DNER: variants seen among roughly 807,000 people sequenced by gnomAD.
DNER encodes the protein delta/notch like EGF repeat containing.
DNER carries 33 observed loss-of-function variants against 78.2 expected under a neutral mutation model. The ratio of observed to expected loss-of-function variants is 0.42; its 90% CI spans 0.32 to 0.56. DNER has a LOEUF of 0.56. Ranked by LOEUF, DNER falls within the 20% of genes least tolerant of loss-of-function variation. DNER has a pLI of 0.11. For synonymous variants in DNER, 417 were observed against 384.8 expected, an observed-to-expected ratio of 1.08 and a Z score of -0.98; for missense variants, 918 against 975.3, an observed-to-expected ratio of 0.94 and a Z score of 0.78.
Position 229,664,566 on chromosome 2 carries a change from G to C in DNER, c.276+49582C>G, listed in dbSNP as rs532734135. The stretch of plus-strand genomic sequence containing the variant: ...ACTGATGTTGGCAGATAAGACTTCT[G>C]GATAAGGCCCCACACTAGAAGCAAT... On this transcript the variant is annotated intron_variant, in intron 1 of 12. Coordinates refer to ENST00000341772, the MANE Select transcript of DNER (RefSeq NM_139072.4). Among the ~76,000 whole-genome samples, 4 of 152,238 alleles carry C rather than the reference G, an allele frequency of 2.6e-5. No homozygotes were observed. The East Asian group carries it at 7.7e-4, about 29-fold the overall frequency.
At chr2:229,652,462 A>C (rs931683465) in intron 1 of DNER, among the ~76,000 whole-genome samples, 1 of 152,268 alleles carries the variant, frequency 6.6e-6, no homozygotes, top group African/African-American at 2.4e-5. Flanking sequence ...ACCATGGACC[A>C]CGTGCACATC....
intron 5 of DNER, among the ~76,000 whole-genome samples, chr2:229,542,851 C>T (rs545730563): frequency 1.8e-4 from 27 of 151,006 alleles, no homozygotes; most frequent in Admixed American, 5.9e-4. Flanking sequence ...CCAGACATTT[C>T]TCTCCAACTT....
intron 1 of DNER, among the ~76,000 whole-genome samples, chr2:229,625,195 C>T (rs1192661730): frequency 6.6e-6 from 1 of 152,166 alleles, no homozygotes; most frequent in Non-Finnish European, 1.5e-5. Context: ...TCTGCTTCCT[C>T]AGTGTAGCTC....
chr2:229,630,372 A>G (rs1431308161), intron 1 of DNER, among the ~76,000 whole-genome samples: 1 of 151,926 alleles, frequency 6.6e-6, no homozygotes, highest in Admixed American at 6.6e-5. Context: ...GCTACTCAGG[A>G]GGCTGAGGCA....
intron 12 of DNER, among the ~76,000 whole-genome samples, chr2:229,363,936 T>C (rs1482128003): frequency 1.3e-5 from 2 of 149,634 alleles, no homozygotes; most frequent in African/African-American, 4.9e-5. Flanking sequence ...CCAGGAATGA[T>C]GAGGACAGAA....
intron 10 of DNER, among the ~76,000 whole-genome samples, chr2:229,397,684 C>T (rs73100208): frequency 0.014 from 2,125 of 151,876 alleles, 47 homozygotes; most frequent in African/African-American, 0.049. Flanking sequence ...GTTCTCTCAC[C>T]GTAATTAAAT....
At chr2:229,415,948 A>T (rs997379684) in intron 9 of DNER, among the ~76,000 whole-genome samples, 1 of 152,170 alleles carries the variant, frequency 6.6e-6, no homozygotes, top group Non-Finnish European at 1.5e-5. Flanking sequence ...GCAGTTACAA[A>T]TTTTACCAGG....
intron 6 of DNER, among the ~76,000 whole-genome samples, chr2:229,507,515 A>C (rs1246716766): frequency 6.6e-6 from 1 of 152,226 alleles, no homozygotes; most frequent in Non-Finnish European, 1.5e-5. Context: ...GGAAATTTCA[A>C]ATCAATGGTT....
chr2:229,461,143 A>G (rs1694691725), intron 7 of DNER, among the ~76,000 whole-genome samples: 1 of 152,028 alleles, frequency 6.6e-6, no homozygotes, highest in Non-Finnish European at 1.5e-5. Context: ...AAATTCTAAA[A>G]ATAAACCAAT....
intron 8 of DNER, among the ~76,000 whole-genome samples, chr2:229,443,701 A>G (rs936429425): frequency 3.3e-5 from 5 of 152,332 alleles, no homozygotes; most frequent in South Asian, 2.1e-4. Flanking sequence ...ATGAAATGAG[A>G]TCCGTTTGCT....
intron 6 of DNER, among the ~76,000 whole-genome samples, chr2:229,499,312 G>C (rs955862236): frequency 6.6e-5 from 10 of 151,950 alleles, no homozygotes; most frequent in Non-Finnish European, 1.2e-4. Flanking sequence ...GGGCATGGTG[G>C]TGGGTGCCTG....
chr2:229,423,568 T>C (rs1693809638), intron 8 of DNER, among the ~76,000 whole-genome samples: 1 of 151,244 alleles, frequency 6.6e-6, no homozygotes, highest in Non-Finnish European at 1.5e-5. Flanking sequence ...TGCACCAAGA[T>C]TGTGCCACTG....
At chr2:229,522,633 T>A (rs1407080972) in intron 5 of DNER, among the ~76,000 whole-genome samples, 2 of 152,206 alleles carry the variant, frequency 1.3e-5, no homozygotes, top group African/African-American at 4.8e-5. Context: ...AAAAATACTT[T>A]AAGAAATGAA....
rs201111788 is a variant in DNER at position 229,358,567 on chromosome 2, G to C, written c.2187C>G (p.Val729=). The C allele has an allele frequency of 3.1e-6, 5 of 1,613,406 alleles. No individual in the cohort carries two copies. Among genetic ancestry groups the C allele is most frequent in the Non-Finnish European group, 3.4e-6 (4 of 1,179,678 alleles). Residue 729 remains valine (V), a synonymous_variant, in exon 13 of 13, where the codon GTC becomes GTG. Transcript: ENST00000341772. ...ACAAATCTTTAGTTTTAATCAGTGTGACCAAGGGTTTGTCATCAGGACTGT... is the reference window on the plus strand; with the variant it reads ...ACAAATCTTTAGTTTTAATCAGTGTCACCAAGGGTTTGTCATCAGGACTGT... ...EDYSPDDKPL[V]TLIKTKDL
intron 7 of DNER, among the ~76,000 whole-genome samples, chr2:229,461,265 C>T (rs1694694268): frequency 6.6e-6 from 1 of 152,098 alleles, no homozygotes; most frequent in African/African-American, 2.4e-5. Flanking sequence ...AGGGACCTCT[C>T]TGCATTGTCC....
intron 1 of DNER, among the ~76,000 whole-genome samples, chr2:229,699,727 T>C (rs758128168): frequency 1.3e-5 from 2 of 152,176 alleles, no homozygotes; most frequent in Non-Finnish European, 2.9e-5. Flanking sequence ...TTGGACAAAA[T>C]AGAATTTTTC....
At chr2:229,582,793 C>A (rs140406531) in intron 4 of DNER, among the ~76,000 whole-genome samples, 2 of 152,034 alleles carry the variant, frequency 1.3e-5, no homozygotes, top group Non-Finnish European at 2.9e-5. Flanking sequence ...GTGCCCATCA[C>A]CACGCCCGGC....
At chr2:229,367,248 G>A (rs183266595) in intron 11 of DNER, 129 bp from the exon 12 acceptor site, 111 of 1,292,698 alleles carry the variant, frequency 8.6e-5, no homozygotes, top group East Asian at 2.5e-4. Context: ...TATTTTCTAC[G>A]GATTATCCAG....
At chr2:229,538,432 T>C (rs1206321386) in intron 5 of DNER, among the ~76,000 whole-genome samples, 4 of 152,180 alleles carry the variant, frequency 2.6e-5, no homozygotes, top group Non-Finnish European at 5.9e-5. Flanking sequence ...TGGTGCAATC[T>C]CGGCTCACCA....
Sources: gnomAD v4.1 joint callset for allele counts (sites outside exome capture counted in the v4.1 genomes callset) on GRCh38, gnomAD v4.1.1 for gene constraint, MANE v1.5 for transcripts, NCBI Gene and HGNC (gene_info 2026-07-23, HGNC 2026-07-21) for gene names.